MPP7: variants seen among roughly 807,000 people sequenced by gnomAD.
MPP7 encodes the protein MAGUK p55 subfamily member 7.
Under a neutral mutation model 76.5 loss-of-function variants are expected in MPP7, and 60 were observed. The ratio of observed to expected loss-of-function variants is 0.78; its 90% confidence interval spans 0.64 to 0.97. MPP7 has a LOEUF of 0.97. MPP7 is among the 50% of genes least tolerant of loss of function. The pLI is 0.00. For synonymous variants in MPP7, 237 were observed against 244.5 expected (o/e 0.97, Z 0.29); for missense variants, 641 against 694.0 (o/e 0.92, Z 0.86).
intron 2 of MPP7, among the ~76,000 whole-genome samples, chr10:28,221,739 T>C (rs1789134364): frequency 2.0e-5 from 3 of 152,180 alleles, no homozygotes; most frequent in Admixed American, 2.0e-4. Flanking sequence ...ATACCTTAGG[T>C]AGTCTGTGCC....
At chr10:28,056,091 G>A (rs1344798096) in intron 16 of MPP7, among the ~76,000 whole-genome samples, 1 of 151,972 alleles carries the variant, frequency 6.6e-6, no homozygotes. Flanking sequence ...TGTGGTTGTT[G>A]TTGAGACAGG....
At chr10:28,262,210 T>TATATATGC (rs1839986112) in intron 1 of MPP7, among the ~76,000 whole-genome samples, 1 of 8,196 alleles carries the variant, frequency 1.2e-4, no homozygotes, top group Non-Finnish European at 4.1e-4. Flanking sequence ...TATATATACA[T>TATATATGC]ATATATATAT....
rs544876342 is a variant in MPP7, at chr10:28,077,750, A to T, written c.1124-7898T>A. 5.9e-5 allele frequency among the ~76,000 whole-genome samples: 9 copies of T among 152,352 alleles called. No individual in the cohort carries two copies. The South Asian group carries it at 1.9e-3, about 32-fold the overall frequency. On this transcript the variant is annotated intron_variant, in intron 12 of 16. Transcript: ENST00000683449. ...ATTGGTGAAATACACTTACACGGGC[A>T]CATATAAGTAGATTACTCTGTAGTT...
At chr10:28,313,267 A>T (rs1052577712) in intron 2 of MPP7, among the ~76,000 whole-genome samples, 1 of 152,198 alleles carries the variant, frequency 6.6e-6, no homozygotes, top group African/African-American at 2.4e-5. Flanking sequence ...GCACTTTGGG[A>T]GGCCGAGGCA....
chr10:28,087,144 C>A (rs1415973968), intron 12 of MPP7, among the ~76,000 whole-genome samples: 1 of 152,068 alleles, frequency 6.6e-6, no homozygotes, highest in Non-Finnish European at 1.5e-5. Context: ...TCTATTTGTC[C>A]CCCAAGAAAG....
At chr10:28,333,433 C>T (rs919122747) in intron 1 of MPP7, among the ~76,000 whole-genome samples, 1 of 152,248 alleles carries the variant, frequency 6.6e-6, no homozygotes, top group African/African-American at 2.4e-5. Context: ...GCGTGAGCCA[C>T]TGCGCCTGGC....
intron 6 of MPP7, 129 bp downstream of exon 6, chr10:28,131,431 C>T (rs1588825423): frequency 4.5e-5 from 34 of 748,470 alleles, no homozygotes; most frequent in Non-Finnish European, 6.0e-5. Flanking sequence ...GTTCTTTAGA[C>T]ATCAATGTTC....
At chr10:28,150,902 C>A (rs2133778389) in intron 3 of MPP7, among the ~76,000 whole-genome samples, 1 of 152,250 alleles carries the variant, frequency 6.6e-6, no homozygotes, top group East Asian at 1.9e-4. Context: ...TTGACAAACA[C>A]ATAACTGTCA....
chr10:28,326,246 G>A lies in MPP7; in HGVS notation c.-132+3683C>T, dbSNP rs758044910. 6.6e-5 allele frequency among the ~76,000 whole-genome samples: 10 copies of A among 151,936 alleles called. No individual in the cohort carries two copies. The East Asian group carries it at 7.7e-4, about 12-fold the overall frequency. On this transcript the variant is annotated intron_variant, in intron 2 of 11. Coordinates refer to the MPP7 transcript ENST00000441595. ...ATTATTGGGGTTTTTCTGTACTTCC[G>A]GGAGACACTGTCACCAAAAGACCTT...
chr10:28,136,686 T>C (rs74232256), intron 5 of MPP7, among the ~76,000 whole-genome samples: 11,251 of 151,894 alleles, frequency 0.074, 961 homozygotes, highest in East Asian at 0.42. Context: ...AAATCAAACT[T>C]CTAGATATGG....
chr10:28,271,149 C>A (rs957957787), intron 1 of MPP7, among the ~76,000 whole-genome samples: 3 of 152,152 alleles, frequency 2.0e-5, no homozygotes, highest in Admixed American at 2.0e-4. Context: ...GGAAGTTAGG[C>A]AAAATTTGCA....
chr10:28,100,796 T>C (rs1588768225), intron 11 of MPP7, among the ~76,000 whole-genome samples: 1 of 152,092 alleles, frequency 6.6e-6, no homozygotes, highest in Non-Finnish European at 1.5e-5. Context: ...CAATTTGCAA[T>C]TTTCAAAGAA....
At chr10:28,267,803 T>C (rs1333856715) in intron 1 of MPP7, among the ~76,000 whole-genome samples, 1 of 151,742 alleles carries the variant, frequency 6.6e-6, no homozygotes, top group Non-Finnish European at 1.5e-5. Flanking sequence ...TGGGAGGCTG[T>C]GGCAGGTAGA....
At chr10:28,262,888 G>A (rs534662797) in intron 1 of MPP7, among the ~76,000 whole-genome samples, 10 of 151,950 alleles carry the variant, frequency 6.6e-5, no homozygotes, top group African/African-American at 1.4e-4. Flanking sequence ...AAACCCCATC[G>A]CTACTAAAAA....
chr10:28,321,948 CGTGTGTGTGTGTGTGTGTGT>C (rs3064171), intron 2 of MPP7, among the ~76,000 whole-genome samples: 4 of 143,366 alleles, frequency 2.8e-5, no homozygotes, highest in South Asian at 2.2e-4. Context: ...TTTTTGTAGA[CGTGTGTGTGTGTGTGTGTGT>C]GTGTGTGTGT....
upstream of MPP7, among the ~76,000 whole-genome samples, chr10:28,304,052 A>C (rs1841226361): frequency 6.6e-6 from 1 of 152,218 alleles, no homozygotes; most frequent in African/African-American, 2.4e-5. Flanking sequence ...TGGAAAGCTC[A>C]GCTGATGGAG....
intron 11 of MPP7, among the ~76,000 whole-genome samples, chr10:28,090,093 TGGGATTA>T (rs1853224058): frequency 6.6e-6 from 1 of 152,028 alleles, no homozygotes; most frequent in Non-Finnish European, 1.5e-5. Flanking sequence ...CCCAGGCAGG[TGGGATTA>T]CAGGCACACA....
chr10:28,172,921 T>C (rs1836732294), intron 3 of MPP7, among the ~76,000 whole-genome samples: 1 of 152,200 alleles, frequency 6.6e-6, no homozygotes, highest in Admixed American at 6.5e-5. Context: ...AGTGAGTGCT[T>C]ACTATGGCCG....
rs146319061 is a variant in MPP7, at chr10:28,158,564, A to G, written c.157-8505T>C. 3.1e-3 allele frequency among the ~76,000 whole-genome samples: 467 copies of G among 152,250 alleles called. 1 individual carries two copies. Among genetic ancestry groups the G allele is most frequent in the Non-Finnish European group, 5.4e-3 (365 of 68,014 alleles). ...TCCTATGCAGGCAGCAGACTAGCTG[A>G]TTTTCCTTTCGTGTTTCTCTAATCA... On this transcript the variant is annotated intron_variant, in intron 3 of 16. Transcript: ENST00000683449.
Sources: gnomAD v4.1 joint callset for allele counts (sites outside exome capture counted in the v4.1 genomes callset) on GRCh38, gnomAD v4.1.1 for gene constraint, MANE v1.5 for transcripts, NCBI Gene and HGNC (gene_info 2026-07-23, HGNC 2026-07-21) for gene names.